HERC2: variants seen among roughly 807,000 people sequenced by gnomAD.
HERC2 encodes the protein HECT and RLD domain containing E3 ubiquitin protein ligase 2, also known as E3 ubiquitin-protein ligase HERC2.
A neutral mutation model predicts 537.7 loss-of-function variants in HERC2; 102 were observed. The observed-to-expected ratio is 0.19, with a 90% CI of 0.16 to 0.22. HERC2 has a LOEUF of 0.22. HERC2 is among the 10% of genes least tolerant of loss of function. The pLI, the probability that HERC2 is intolerant of heterozygous loss-of-function variation, is 1.00. For synonymous variants in HERC2, 2,224 were observed against 2,466.2 expected, an observed-to-expected ratio of 0.90 and a Z score of 2.91; for missense variants, 4,236 against 6,198.2, an observed-to-expected ratio of 0.68 and a Z score of 10.63.
At chr15:28,144,320 C>T in intron 72 of HERC2, 85 bp from the exon 73 acceptor site, 3 of 1,373,660 alleles carry the variant, frequency 2.2e-6, no homozygotes, top group African/African-American at 1.4e-5. Context: ...AGGGTGGCTC[C>T]ACCCAGCCCC....
At chr15:28,143,207 C>G (rs1891400402) in intron 74 of HERC2, among the ~76,000 whole-genome samples, 1 of 152,114 alleles carries the variant, frequency 6.6e-6, no homozygotes, top group Admixed American at 6.5e-5. Flanking sequence ...AGAGAAATAG[C>G]CCCTCTCTGG....
At chr15:28,138,784 T>C (rs1228773653) in intron 78 of HERC2, among the ~76,000 whole-genome samples, 1 of 152,240 alleles carries the variant, frequency 6.6e-6, no homozygotes, top group Admixed American at 6.5e-5. Context: ...CATAAGGCTA[T>C]AGCTGCCATA....
chr15:28,291,405 A>G (rs964903195), intron 4 of HERC2, among the ~76,000 whole-genome samples: 1 of 152,140 alleles, frequency 6.6e-6, no homozygotes, highest in Non-Finnish European at 1.5e-5. Context: ...AATTATTTTT[A>G]TATATGTACA....
At chr15:28,126,658 C>A (rs151303132) in intron 83 of HERC2, among the ~76,000 whole-genome samples, 2 of 152,138 alleles carry the variant, frequency 1.3e-5, no homozygotes, top group Admixed American at 6.5e-5. Flanking sequence ...TGTTCTCATG[C>A]GATGAGGATG....
At position 28,113,019 on chromosome 15, in the gene HERC2, C is replaced by T; in HGVS notation, c.14232+52G>A. 3.4e-6 allele frequency: 5 copies of T among 1,483,266 alleles called. No homozygotes were observed. Among genetic ancestry groups the T allele is most frequent in the Non-Finnish European group, 4.7e-6 (5 of 1,074,842 alleles). 91.9% of individuals were successfully genotyped at this position (1,483,266 alleles called of 1,614,324 possible). ...GGACTGTGGGTGAGGAGCCAGCCAC[C>T]CACCGTCGGCCGACATCAGCCCAGG... On this transcript the variant is annotated intron_variant, in intron 92 of 92. Transcript: ENST00000261609. The surrounding 1 kb of genome is among the most constrained non-coding windows in gnomAD (Gnocchi z 7.0).
chr15:28,310,681 G>A (rs1207688012), intron 2 of HERC2, among the ~76,000 whole-genome samples: 3 of 152,048 alleles, frequency 2.0e-5, no homozygotes, highest in Admixed American at 6.6e-5. Context: ...CATGTGGGCC[G>A]TGCTCCAGGA....
At chr15:28,129,198 C>T (rs912934238) in intron 83 of HERC2, among the ~76,000 whole-genome samples, 4 of 152,232 alleles carry the variant, frequency 2.6e-5, no homozygotes, top group African/African-American at 7.2e-5. Context: ...GCATACACTC[C>T]TCCTCACAGT....
rs984872109 is a variant in HERC2 at position 28,113,026 on chromosome 15, C to T, written c.14232+45G>A. Reference sequence around the variant, plus strand: ...GGGTGAGGAGCCAGCCACCCACCGTCGGCCGACATCAGCCCAGGGCCGGCA... The same window carrying T: ...GGGTGAGGAGCCAGCCACCCACCGTTGGCCGACATCAGCCCAGGGCCGGCA... On this transcript the variant is annotated intron_variant, in intron 92 of 92. Transcript: ENST00000261609. This position sits in a 1 kb window ranked among gnomAD's most constrained non-coding sequence, Gnocchi z 7.0. 12 of 1,538,738 alleles carry T rather than the reference C, an allele frequency of 7.8e-6. No homozygotes were observed. Among genetic ancestry groups the T allele is most frequent in the South Asian group, 4.5e-5 (4 of 87,974 alleles).
rs150675000 is a variant in HERC2, at chr15:28,255,968, T to C, written c.2775A>G (p.Pro925=). 116 of 1,606,258 alleles carry C rather than the reference T, an allele frequency of 7.2e-5. 1 individual carries two copies. In the African/African-American group the frequency reaches 1.3e-3, roughly 18 times the overall value. ...GAAGATCAATCATGAATCGACGACC[T>C]GGACTTATGTTCACTTCATTGCCTG... The part of the protein sequence containing the change: ...AVSGNEVNIS[P]GRRFMIDLLV... Residue 925 remains proline, a synonymous_variant, in exon 19 of 93, where the codon CCA becomes CCG. Transcript: ENST00000261609.
intron 85 of HERC2, among the ~76,000 whole-genome samples, chr15:28,121,667 A>G (rs1888904963): frequency 6.6e-6 from 1 of 152,152 alleles, no homozygotes; most frequent in South Asian, 2.1e-4. Context: ...GTCCCTCAGG[A>G]AACTACCTCC....
intron 57 of HERC2, 45 bp downstream of exon 57, chr15:28,182,356 C>G (rs760097178): frequency 2.4e-6 from 3 of 1,238,896 alleles, no homozygotes; most frequent in East Asian, 2.3e-5. Flanking sequence ...GGTGTGGCTG[C>G]TGCCGAGTGC....
chr15:28,197,779 A>G (rs1446750788), intron 50 of HERC2, among the ~76,000 whole-genome samples: 1 of 152,144 alleles, frequency 6.6e-6, no homozygotes, highest in Non-Finnish European at 1.5e-5. Context: ...CTGGCCTGTT[A>G]ATGTCAATGT....
chr15:28,256,060 G>A (rs941400004), intron 18 of HERC2, 29 bp downstream of exon 18: 7 of 1,604,180 alleles, frequency 4.4e-6, no homozygotes, highest in Non-Finnish European at 5.1e-6. Flanking sequence ...CCTGACCCAT[G>A]CCCTCTCCTG....
chr15:28,146,160 G>T (rs1370436888), intron 71 of HERC2, 77 bp downstream of exon 71: 1 of 975,724 alleles, frequency 1.0e-6, no homozygotes, highest in East Asian at 2.4e-5. Flanking sequence ...GCAGCATTCT[G>T]TCCTACAAAT....
intron 69 of HERC2, among the ~76,000 whole-genome samples, chr15:28,160,731 C>G (rs1341714258): frequency 6.6e-6 from 1 of 152,220 alleles, no homozygotes; most frequent in Non-Finnish European, 1.5e-5. Flanking sequence ...GTGCACTGCA[C>G]CCACTGTCCT....
At chr15:28,280,017 T>C (rs1203237121) in intron 5 of HERC2, 51 bp downstream of exon 5, 1 of 1,424,100 alleles carries the variant, frequency 7.0e-7, no homozygotes, top group African/African-American at 1.4e-5. Context: ...CAAAACAGTC[T>C]GAATTTTATA....
At chr15:28,292,435 T>C (rs1474680382) in intron 4 of HERC2, among the ~76,000 whole-genome samples, 3 of 151,976 alleles carry the variant, frequency 2.0e-5, no homozygotes, top group Non-Finnish European at 4.4e-5. Context: ...TTGGTGAGGG[T>C]GTGGAGAAAT....
chr15:28,247,348 A>G (rs1452161399), intron 21 of HERC2, among the ~76,000 whole-genome samples: 4 of 151,350 alleles, frequency 2.6e-5, no homozygotes, highest in Admixed American at 2.6e-4. Flanking sequence ...AAAAGCTTGT[A>G]AATTATTCCC....
chr15:28,316,601 T>C (rs991499733), intron 2 of HERC2, among the ~76,000 whole-genome samples: 2 of 152,200 alleles, frequency 1.3e-5, no homozygotes, highest in African/African-American at 4.8e-5. Context: ...GGCACCAGTA[T>C]TTGGATATTA....
Sources: allele counts gnomAD v4.1 joint callset (sites outside exome capture counted in the v4.1 genomes callset), GRCh38; gene constraint gnomAD v4.1.1; non-coding constraint Gnocchi (gnomAD v3.1); transcripts MANE v1.5; gene names NCBI Gene and HGNC (gene_info 2026-07-23, HGNC 2026-07-21).